Variants in HTT observed in about 807,000 individuals in gnomAD.
The protein encoded by HTT is huntington disease protein.
A neutral mutation model predicts 362.3 loss-of-function variants in HTT; 104 were observed. The observed-to-expected ratio is 0.29, with a 90% CI of 0.24 to 0.34. HTT has a LOEUF of 0.34. Among genes scored for constraint, HTT ranks in the 10% least tolerant of loss-of-function variants. The probability of loss-of-function intolerance (pLI) is 1.00; values close to 1 mark genes in which losing one functional copy is unlikely to be tolerated. For missense variants in HTT, 3,301 were observed against 3,928.6 expected (o/e 0.84, Z 4.27); for synonymous variants, 1,577 against 1,548.7 (o/e 1.02, Z -0.43).
intron 23 of HTT, among the ~76,000 whole-genome samples, chr4:3,144,748 T>C (rs1716518424): frequency 6.6e-6 from 1 of 152,256 alleles, no homozygotes; most frequent in South Asian, 2.1e-4. Context: ...TTATTTTTAT[T>C]GTGGCCGACT....
Position 3,115,419 on chromosome 4 carries a change from A to T in HTT, c.863A>T (p.Tyr288Phe), listed in dbSNP as rs1211775797. 1 of 1,613,710 alleles carries T rather than the reference A, an allele frequency of 6.2e-7. No homozygotes were observed. Among genetic ancestry groups the T allele is most frequent in the Non-Finnish European group, 8.5e-7 (1 of 1,179,692 alleles). The change falls in exon 7 of 67, where the codon TAT (tyrosine) becomes TTT (phenylalanine). Residue 288 changes from tyrosine (Y) to phenylalanine (F), a missense_variant. This residue lies in a region of HTT where 2,316 missense variants were observed against 2,658.5 expected (regional missense o/e 0.87). Transcript: ENST00000355072. ...CACTCAAGAAGGACACAATATTTCT[A>T]TAGTTGGCTACTAAATGTGCTCTTA... ...CQHSRRTQYF[Y>F]SWLLNVLLGL... is the part of the protein sequence containing the mutation.
chr4:3,165,802 A>T (rs1483223915), intron 29 of HTT, among the ~76,000 whole-genome samples: 1 of 151,946 alleles, frequency 6.6e-6, no homozygotes, highest in Non-Finnish European at 1.5e-5. Flanking sequence ...TATTCTAGCC[A>T]TTAGTCTAAC....
intron 10 of HTT, among the ~76,000 whole-genome samples, chr4:3,125,258 TAATC>T (rs1715469288): frequency 6.6e-6 from 1 of 152,134 alleles, no homozygotes; most frequent in Admixed American, 6.5e-5. Context: ...GATTATTTAA[TAATC>T]AAAATCAATA....
At chr4:3,118,921 A>T (rs1417390634) in intron 8 of HTT, among the ~76,000 whole-genome samples, 1 of 152,244 alleles carries the variant, frequency 6.6e-6, no homozygotes, top group African/African-American at 2.4e-5. Flanking sequence ...CGTTCAATTC[A>T]GCAAATGTAG....
intron 40 of HTT, among the ~76,000 whole-genome samples, chr4:3,199,197 G>T (rs1401261519): frequency 6.6e-6 from 1 of 152,216 alleles, no homozygotes; most frequent in Non-Finnish European, 1.5e-5. Flanking sequence ...CCAATGTGGA[G>T]GTCGACAGTG....
In HTT at chr4:3,178,328, T is replaced by C. The variant is rs779406995; in HGVS notation, c.4494T>C (p.Phe1498=). The part of the protein sequence containing the change: ...RESEAIIPNI[F]FFLVLLSYER... ...CAGAGGCAATCATTCCAAACATCTT[T>C]TTCTTCTTGGTATTACTATCTTATG... Residue 1498 remains phenylalanine, a synonymous_variant, in exon 35 of 67, where the codon TTT becomes TTC. Transcript: ENST00000355072. 1 of 1,610,956 alleles carries C rather than the reference T, an allele frequency of 6.2e-7. No homozygotes were observed. The highest frequency in any genetic ancestry group is 2.2e-5 in the East Asian group (1 of 44,878).
intron 47 of HTT, among the ~76,000 whole-genome samples, chr4:3,210,453 A>G (rs1316333102): frequency 6.6e-6 from 1 of 152,176 alleles, no homozygotes; most frequent in Non-Finnish European, 1.5e-5. Flanking sequence ...AGACCCTTGG[A>G]TGCAGCGAGA....
At chr4:3,230,309 T>A (rs1206610054) in intron 60 of HTT, among the ~76,000 whole-genome samples, 1 of 152,112 alleles carries the variant, frequency 6.6e-6, no homozygotes, top group African/African-American at 2.4e-5. Context: ...ATGACATCAT[T>A]GTAGTAGCCC....
Position 3,212,079 on chromosome 4 carries a change from G to C in HTT, c.6565G>C (p.Val2189Leu). ...GCAGCAGCTCCCTGCTGTCCATCAT[G>C]TCTTCCAGCCCGAGCTGCCTGCAGA... Reference protein sequence around the residue: ...TVQQLPAVHHVFQPELPAEPA... With the variant: ...TVQQLPAVHHLFQPELPAEPA... Residue 2189 changes from valine (V) to leucine (L), a missense_variant, in exon 48 of 67, where the codon GTC (valine) becomes CTC (leucine). Val to Leu is a conservative substitution (Grantham distance 32, BLOSUM62 1). This residue lies in a region of HTT where 220 missense variants were observed against 218.5 expected (regional missense o/e 1.01). Coordinates refer to ENST00000355072, the MANE Select transcript of HTT (RefSeq NM_001388492.1). The C allele has an allele frequency of 6.2e-7, 1 of 1,614,232 alleles. No individual in the cohort carries two copies. The highest frequency in any genetic ancestry group is 8.5e-7 in the Non-Finnish European group (1 of 1,180,042).
At position 3,172,409 on chromosome 4, in the gene HTT, A is replaced by C; in HGVS notation, c.3942+12A>C. 1 of 1,566,534 alleles carries C rather than the reference A, an allele frequency of 6.4e-7. No individual in the cohort carries two copies. Among genetic ancestry groups the C allele is most frequent in the South Asian group, 1.1e-5 (1 of 90,144 alleles). ...TTTGTGTTCAACAAGTAAGAGCTTC[A>C]TTCTTTTCCTCTTCTGTTAAGACGT... On this transcript the variant is annotated intron_variant, in intron 30 of 66. Coordinates refer to ENST00000355072, the MANE Select transcript of HTT (RefSeq NM_001388492.1).
chr4:3,090,188 T>G (rs1045400175), intron 2 of HTT, among the ~76,000 whole-genome samples: 7 of 152,220 alleles, frequency 4.6e-5, no homozygotes, highest in Admixed American at 4.6e-4. Context: ...GCTTCTGACG[T>G]TTTCAATGTA....
chr4:3,201,812 C>T (rs953870874), intron 41 of HTT, among the ~76,000 whole-genome samples: 1 of 152,108 alleles, frequency 6.6e-6, no homozygotes, highest in Non-Finnish European at 1.5e-5. Flanking sequence ...CTTTTTATTT[C>T]CATGAGATGA....
chr4:3,106,914 A>G (rs956228862), intron 5 of HTT, among the ~76,000 whole-genome samples: 1 of 152,142 alleles, frequency 6.6e-6, no homozygotes, highest in Non-Finnish European at 1.5e-5. Context: ...CTCTCCCCAC[A>G]ACCCCATTTT....
intron 9 of HTT, 32 bp downstream of exon 9, chr4:3,121,464 T>G: frequency 1.3e-6 from 2 of 1,491,606 alleles, no homozygotes; most frequent in Non-Finnish European, 1.9e-6. Context: ...CTCTTACAAT[T>G]AACTTTGCAG....
intron 53 of HTT, among the ~76,000 whole-genome samples, chr4:3,220,565 C>G (rs1720625136): frequency 6.6e-6 from 1 of 152,174 alleles, no homozygotes; most frequent in Non-Finnish European, 1.5e-5. Flanking sequence ...AGGAAAGGTT[C>G]ATGTGTAGTG....
chr4:3,095,511 C>T (rs1189399246), intron 2 of HTT, among the ~76,000 whole-genome samples: 2 of 152,250 alleles, frequency 1.3e-5, no homozygotes, highest in African/African-American at 2.4e-5. Flanking sequence ...CAGAGGGAGA[C>T]TGTGCGAGGG....
In HTT at chr4:3,222,473, G is replaced by A. The variant is rs1720722810; in HGVS notation, c.7456G>A (p.Glu2486Lys). The A allele has an allele frequency of 1.2e-6, 2 of 1,614,000 alleles. No homozygotes were observed. Among genetic ancestry groups the A allele is most frequent in the East Asian group, 4.5e-5 (2 of 44,888 alleles). Residue 2486 changes from glutamate (E) to lysine (K), a missense_variant, in exon 54 of 67, where the codon GAG becomes AAG. Around this residue, in one of 4 missense-constraint regions of HTT, gnomAD observed 753 missense variants for 1,021.3 expected, o/e 0.74. Coordinates refer to ENST00000355072, the MANE Select transcript of HTT (RefSeq NM_001388492.1). ...GCAGCCCCTCGTGATGGAGCAGGAGGAGAGCCCACCAGAAGTAAGGCCACA... is the reference window on the plus strand; with the variant it reads ...GCAGCCCCTCGTGATGGAGCAGGAGAAGAGCCCACCAGAAGTAAGGCCACA... The part of the protein sequence containing the change: ...VTQPLVMEQE[E>K]SPPEEDTERT...
intron 26 of HTT, among the ~76,000 whole-genome samples, chr4:3,153,345 A>G (rs751694151): frequency 6.6e-6 from 1 of 152,194 alleles, no homozygotes; most frequent in Non-Finnish European, 1.5e-5. Flanking sequence ...TTGAAACCAT[A>G]ACAAGCACTT....
chr4:3,231,408 G>A (rs1209256675), intron 60 of HTT, among the ~76,000 whole-genome samples: 2 of 152,136 alleles, frequency 1.3e-5, no homozygotes, highest in South Asian at 2.1e-4. Flanking sequence ...CACCTGACAA[G>A]GCCAAGGGTG....
Sources: gnomAD v4.1 joint callset for allele counts (sites outside exome capture counted in the v4.1 genomes callset) on GRCh38, gnomAD v4.1.1 for gene constraint, gnomAD v4.1.1 regional missense constraint, MANE v1.5 for transcripts, NCBI Gene and HGNC (gene_info 2026-07-23, HGNC 2026-07-21) for gene names.